The following YAP1 variants were observed in gnomAD, a reference collection of about 807,000 sequenced individuals.
The protein encoded by YAP1 is Yes1 associated transcriptional regulator.
Under a neutral mutation model 56.9 loss-of-function variants are expected in YAP1, and 5 were observed. The ratio of observed to expected loss-of-function variants is 0.09; its 90% CI spans 0.05 to 0.18. The LOEUF (loss-of-function observed/expected upper bound fraction) is 0.18, where lower values mean the gene tolerates loss of function less well. Ranked by LOEUF, YAP1 falls within the 10% of genes least tolerant of loss-of-function variation. The probability of loss-of-function intolerance (pLI) is 1.00; values close to 1 mark genes in which losing one functional copy is unlikely to be tolerated. For missense variants in YAP1, 539 were observed against 651.8 expected (o/e 0.83, Z 1.88); for synonymous variants, 265 against 248.1 (o/e 1.07, Z -0.64).
intron 4 of YAP1, among the ~76,000 whole-genome samples, chr11:102,199,407 T>G (rs1161753954): frequency 6.6e-6 from 1 of 151,304 alleles, no homozygotes; most frequent in Non-Finnish European, 1.5e-5. Flanking sequence ...AAATCTTAGG[T>G]CCCAAAAATT....
chr11:102,212,732 C>T (rs1363371306), intron 6 of YAP1, among the ~76,000 whole-genome samples: 1 of 152,154 alleles, frequency 6.6e-6, no homozygotes, highest in Admixed American at 6.5e-5. Flanking sequence ...CAGGCATTCG[C>T]CACCATGCCC....
chr11:102,143,058 G>A (rs562618601), intron 2 of YAP1, among the ~76,000 whole-genome samples: 14 of 152,134 alleles, frequency 9.2e-5, no homozygotes, highest in Admixed American at 7.9e-4. Flanking sequence ...AGGTTCACCC[G>A]TCCAGGTATG....
At chr11:102,199,475 G>C (rs1327889366) in intron 4 of YAP1, among the ~76,000 whole-genome samples, 1 of 152,138 alleles carries the variant, frequency 6.6e-6, no homozygotes, top group East Asian at 1.9e-4. Flanking sequence ...CTATAAGGAT[G>C]AAAGTTTTAG....
intron 3 of YAP1, among the ~76,000 whole-genome samples, chr11:102,163,995 A>G (rs1045571526): frequency 2.0e-5 from 3 of 151,894 alleles, no homozygotes; most frequent in South Asian, 2.1e-4. Flanking sequence ...CTACGAATAC[A>G]TTCTCAGAAT....
intron 4 of YAP1, among the ~76,000 whole-genome samples, chr11:102,204,314 TAACTACTC>T (rs1423624714): frequency 6.6e-6 from 1 of 151,530 alleles, no homozygotes; most frequent in Non-Finnish European, 1.5e-5. Flanking sequence ...CCTCAGTGAG[TAACTACTC>T]AACTTATGTA....
chr11:102,185,660 T>A (rs1269289248), intron 3 of YAP1, among the ~76,000 whole-genome samples: 1 of 152,220 alleles, frequency 6.6e-6, no homozygotes, highest in Non-Finnish European at 1.5e-5. Context: ...AGGAAGGTAT[T>A]GTCACAAAAC....
At chr11:102,214,530 T>C (rs1949568117) in intron 6 of YAP1, among the ~76,000 whole-genome samples, 1 of 152,222 alleles carries the variant, frequency 6.6e-6, no homozygotes, top group Admixed American at 6.5e-5. Context: ...AGTATTTGGC[T>C]TTTTTCCCTT....
intron 4 of YAP1, chr11:102,186,684 A>G: frequency 6.5e-6 from 1 of 152,996 alleles, no homozygotes; most frequent in Non-Finnish European, 1.5e-5. Flanking sequence ...TTCTTCATTC[A>G]GAAAACAAAG....
chr11:102,207,967 C>G (rs554687532), intron 5 of YAP1, among the ~76,000 whole-genome samples: 1 of 152,298 alleles, frequency 6.6e-6, no homozygotes, highest in Admixed American at 6.5e-5. Flanking sequence ...CTTGAAGTTC[C>G]TTTATCTGCC....
At chr11:102,224,384 C>T (rs543977351) in intron 7 of YAP1, among the ~76,000 whole-genome samples, 130 of 152,308 alleles carry the variant, frequency 8.5e-4, no homozygotes, top group African/African-American at 2.9e-3. Flanking sequence ...TGAAACAGGT[C>T]ATATTCTTTG....
intron 6 of YAP1, among the ~76,000 whole-genome samples, chr11:102,211,515 A>G (rs1949402536): frequency 1.3e-5 from 2 of 152,214 alleles, no homozygotes; most frequent in Admixed American, 6.5e-5. Flanking sequence ...TTTAATATTT[A>G]CCTGGCATAA....
At chr11:102,164,667 G>A (rs975704504) in intron 3 of YAP1, among the ~76,000 whole-genome samples, 3 of 152,184 alleles carry the variant, frequency 2.0e-5, no homozygotes, top group African/African-American at 7.2e-5. Context: ...AGAGTATTTC[G>A]GCTGAAATTT....
intron 3 of YAP1, among the ~76,000 whole-genome samples, chr11:102,176,775 A>AAAAG (rs1947284615): frequency 7.3e-6 from 1 of 137,098 alleles, no homozygotes; most frequent in Non-Finnish European, 1.6e-5. Context: ...AAAAAAAAAA[A>AAAAG]AGAGTAGAAT....
chr11:102,136,665 T>A lies in YAP1; in HGVS notation c.572+22271T>A, dbSNP rs533883078. The stretch of plus-strand genomic sequence containing the variant: ...ACTGCACCGGGCTCATTTTTCTATA[T>A]TCGAAAAGTTTCATATATATGTCTT... On this transcript the variant is annotated intron_variant, in intron 2 of 8. Coordinates refer to ENST00000282441, the MANE Select transcript of YAP1 (RefSeq NM_001130145.3). 2.6e-5 allele frequency among the ~76,000 whole-genome samples: 4 copies of A among 152,294 alleles called. No individual in the cohort carries two copies. In the East Asian group the frequency reaches 7.7e-4, roughly 29 times the overall value.
chr11:102,111,305 C>G (rs1398696594), intron 1 of YAP1, 136 bp downstream of exon 1: 2 of 937,668 alleles, frequency 2.1e-6, no homozygotes, highest in Non-Finnish European at 3.0e-6. Flanking sequence ...GGTCCCGAGG[C>G]GAAGTGGAAC....
intron 2 of YAP1, among the ~76,000 whole-genome samples, chr11:102,129,955 T>G (rs1169015711): frequency 1.3e-5 from 2 of 151,978 alleles, no homozygotes; most frequent in Non-Finnish European, 2.9e-5. Flanking sequence ...ATTACAGGCA[T>G]GCACCACCAC....
intron 2 of YAP1, among the ~76,000 whole-genome samples, chr11:102,118,217 T>C (rs934838922): frequency 6.6e-6 from 1 of 152,228 alleles, no homozygotes; most frequent in Non-Finnish European, 1.5e-5. Context: ...ACAGTTTTGT[T>C]TCATTTCCAT....
chr11:102,229,391 A>G (rs1345963419), intron 8 of YAP1, among the ~76,000 whole-genome samples: 2 of 152,120 alleles, frequency 1.3e-5, no homozygotes, highest in Non-Finnish European at 2.9e-5. Context: ...CGTGTTGTGT[A>G]CTTGTTCTTT....
At chr11:102,181,537 A>G (rs567272506) in intron 3 of YAP1, among the ~76,000 whole-genome samples, 29 of 152,266 alleles carry the variant, frequency 1.9e-4, no homozygotes, top group Non-Finnish European at 2.6e-4. Context: ...CCTTATTTCT[A>G]TCTGGTCATT....
Sources: allele counts gnomAD v4.1 joint callset (sites outside exome capture counted in the v4.1 genomes callset), GRCh38; gene constraint gnomAD v4.1.1; transcripts MANE v1.5; gene names NCBI Gene and HGNC (gene_info 2026-07-23, HGNC 2026-07-21).